The following TCF12 variants were observed in gnomAD, a reference collection of about 807,000 sequenced individuals.
TCF12 encodes DNA-binding protein HTF4.
In TCF12, 45 loss-of-function variants were observed where a neutral mutation model predicts 86.0. The ratio of observed to expected loss-of-function variants is 0.52; its 90% CI spans 0.41 to 0.67. The LOEUF (loss-of-function observed/expected upper bound fraction) is 0.67. TCF12 is among the 30% of genes least tolerant of loss of function. TCF12 has a pLI of 0.00. For missense variants in TCF12, 881 were observed against 859.9 expected (o/e 1.02, Z -0.31); for synonymous variants, 330 against 299.6 (o/e 1.10, Z -1.05).
At chr15:56,964,076 A>G (rs767016334) in intron 3 of TCF12, among the ~76,000 whole-genome samples, 3 of 152,186 alleles carry the variant, frequency 2.0e-5, no homozygotes, top group Admixed American at 6.5e-5. Context: ...CTTGAGCGCA[A>G]ATATGTTTTG....
intron 5 of TCF12, among the ~76,000 whole-genome samples, chr15:57,108,899 A>T (rs2050309243): frequency 6.6e-6 from 1 of 152,186 alleles, no homozygotes; most frequent in Non-Finnish European, 1.5e-5. Flanking sequence ...CAAAACAAAA[A>T]CTATAATTGT....
At chr15:57,132,165 AG>A (rs1474622772) in intron 5 of TCF12, among the ~76,000 whole-genome samples, 9 of 152,262 alleles carry the variant, frequency 5.9e-5, no homozygotes, top group African/African-American at 2.2e-4. Context: ...CAAACAAAAC[AG>A]TGTATAATAA....
rs1227325788 is a variant in TCF12, at chr15:57,287,918, G to T, written c.*1773G>T. On this transcript the variant is annotated 3_prime_UTR_variant, in exon 21 of 21. Coordinates refer to ENST00000333725, the MANE Select transcript of TCF12 (RefSeq NM_207037.2). ...AAGTTGTTGCTTATGATGTGTGAGT[G>T]AACATATGCCACTGCCTGGCCTTTT... 6.6e-6 allele frequency: 1 copy of T among 152,640 alleles called. No individual in the cohort carries two copies. The highest frequency in any genetic ancestry group is 1.5e-5 in the Non-Finnish European group (1 of 68,040). 9.5% of individuals were successfully genotyped at this position (152,640 alleles called of 1,614,324 possible).
At chr15:57,265,181 A>G (rs116016142) in intron 18 of TCF12, among the ~76,000 whole-genome samples, 336 of 152,122 alleles carry the variant, frequency 2.2e-3, no homozygotes, top group African/African-American at 7.8e-3. Context: ...ATTATCAAGT[A>G]CAGCAGGTCC....
upstream of TCF12, chr15:56,918,451 C>T (rs1338543245): frequency 5.8e-6 from 2 of 342,700 alleles, no homozygotes; most frequent in African/African-American, 2.2e-5. Context: ...GCCTCATGCC[C>T]CTCCCCACCG....
At chr15:57,178,463 A>G (rs2056112711) in intron 6 of TCF12, among the ~76,000 whole-genome samples, 1 of 152,226 alleles carries the variant, frequency 6.6e-6, no homozygotes, top group Admixed American at 6.5e-5. Context: ...TAGTTGCTCC[A>G]TGTTAAAGCT....
At chr15:57,136,962 T>G (rs111525111) in intron 5 of TCF12, among the ~76,000 whole-genome samples, 215 of 17,236 alleles carry the variant, frequency 0.012, 1 homozygote, top group African/African-American at 0.041. Context: ...CTGGCAGTTT[T>G]TTTTTTTGTT....
chr15:57,209,585 A>G (rs533395918), intron 8 of TCF12, among the ~76,000 whole-genome samples: 10 of 152,328 alleles, frequency 6.6e-5, no homozygotes, highest in East Asian at 3.9e-4. Context: ...CTGTGTAGCT[A>G]TCATCTTTGT....
chr15:57,190,449 T>C (rs2056918884), intron 6 of TCF12, among the ~76,000 whole-genome samples: 1 of 152,098 alleles, frequency 6.6e-6, no homozygotes, highest in African/African-American at 2.4e-5. Flanking sequence ...AAGAGTATGG[T>C]GATGGCAGTA....
chr15:57,219,643 T>G, intron 8 of TCF12: 1 of 1,531,640 alleles, frequency 6.5e-7, no homozygotes, highest in Non-Finnish European at 9.0e-7. Context: ...AGGAAAGCAG[T>G]ATACATTACT....
In TCF12 at chr15:56,951,882, A is replaced by G. The variant is rs1314407839; in HGVS notation, c.148+30784A>G. Among the ~76,000 whole-genome samples the G allele has an allele frequency of 2.0e-5, 3 of 152,180 alleles. No homozygotes were observed. The East Asian group carries it at 5.8e-4, about 29-fold the overall frequency. On this transcript the variant is annotated intron_variant, in intron 3 of 20. Transcript: ENST00000333725. ...AGACTGGTCTTGAACTCCTGGGCTC[A>G]GAGGATTCTCCCACCATGGGCTTCC...
intron 8 of TCF12, among the ~76,000 whole-genome samples, chr15:57,216,023 A>G (rs550786743): frequency 6.6e-6 from 1 of 152,138 alleles, no homozygotes; most frequent in Admixed American, 6.6e-5. Flanking sequence ...ATCTTTTCCT[A>G]TATCGTCAGT....
At chr15:56,960,673 G>T (rs2061707270) in intron 3 of TCF12, among the ~76,000 whole-genome samples, 1 of 151,396 alleles carries the variant, frequency 6.6e-6, no homozygotes, top group South Asian at 2.1e-4. Flanking sequence ...CAGGTGATCT[G>T]CCTGCCTCGG....
At chr15:57,068,573 A>G (rs1014358394) in intron 4 of TCF12, among the ~76,000 whole-genome samples, 10 of 152,228 alleles carry the variant, frequency 6.6e-5, no homozygotes, top group Admixed American at 2.0e-4. Context: ...AAAAGTTATC[A>G]GTCTCTCTAG....
intron 16 of TCF12, among the ~76,000 whole-genome samples, chr15:57,254,959 G>T (rs2060282667): frequency 6.6e-6 from 1 of 151,854 alleles, no homozygotes; most frequent in Non-Finnish European, 1.5e-5. Context: ...ATAATAAAAG[G>T]AATTTGTTAC....
chr15:57,083,543 A>G (rs1212761242), intron 4 of TCF12, among the ~76,000 whole-genome samples: 1 of 152,082 alleles, frequency 6.6e-6, no homozygotes, highest in Admixed American at 6.6e-5. Context: ...TTTATAATTA[A>G]TTTTCTAGTC....
chr15:57,234,668 A>G (rs1237937191), intron 12 of TCF12, among the ~76,000 whole-genome samples: 2 of 152,238 alleles, frequency 1.3e-5, no homozygotes, highest in Non-Finnish European at 2.9e-5. Flanking sequence ...ACTTCAGAAC[A>G]TTAATGACAA....
intron 3 of TCF12, among the ~76,000 whole-genome samples, chr15:56,942,541 A>G (rs2060823660): frequency 6.6e-6 from 1 of 152,188 alleles, no homozygotes; most frequent in Non-Finnish European, 1.5e-5. Context: ...AGAAGAGGGT[A>G]TTATAAACAA....
At chr15:57,247,637 T>C (rs2059924617) in intron 13 of TCF12, 2 of 782,682 alleles carry the variant, frequency 2.6e-6, no homozygotes, top group Non-Finnish European at 4.5e-6. Flanking sequence ...ATTATATTCT[T>C]CTGTTTCTTC....
Sources: gnomAD v4.1 joint callset for allele counts (sites outside exome capture counted in the v4.1 genomes callset) on GRCh38, gnomAD v4.1.1 for gene constraint, MANE v1.5 for transcripts, NCBI Gene and HGNC (gene_info 2026-07-23, HGNC 2026-07-21) for gene names.